Variants in EIF2AK1 observed in about 807,000 individuals in gnomAD.
The protein encoded by EIF2AK1 is eukaryotic translation initiation factor 2 alpha kinase 1.
A neutral mutation model predicts 77.9 loss-of-function variants in EIF2AK1; 54 were observed. That is an observed-to-expected ratio of 0.69 (90% CI 0.56 to 0.87). EIF2AK1 has a LOEUF of 0.87. EIF2AK1 is among the 40% of genes least tolerant of loss of function. EIF2AK1 has a pLI of 0.00. For synonymous variants in EIF2AK1, 314 were observed against 290.5 expected, an observed-to-expected ratio of 1.08 and a Z score of -0.82; for missense variants, 810 against 768.6, an observed-to-expected ratio of 1.05 and a Z score of -0.64.
In EIF2AK1 at chr7:6,032,128, C is replaced by T. The variant is rs1385818310; in HGVS notation, c.1333-3096G>A. On this transcript the variant is annotated intron_variant, in intron 11 of 14. Transcript: ENST00000199389. This position sits in a 1 kb window ranked among gnomAD's most constrained non-coding sequence, Gnocchi z 4.3. ...GGCAGAGGTTGCAGTGAGCCAAGAT[C>T]GTACCACTGCACTCTCTAGCCTGGA... is the stretch of plus-strand genomic sequence containing the variant. 2.6e-5 allele frequency among the ~76,000 whole-genome samples: 4 copies of T among 152,148 alleles called. No homozygotes were observed. Among genetic ancestry groups the T allele is most frequent in the South Asian group, 2.1e-4 (1 of 4,826 alleles).
Position 6,023,839 on chromosome 7 carries a change from T to C in EIF2AK1, c.*834A>G. On this transcript the variant is annotated 3_prime_UTR_variant, in exon 15 of 15. Transcript: ENST00000199389. ...ATAAAAGCATCATGTAATTTATGGTTTTCATTTTATTTAAAATTCAGCAAA... is the reference window on the plus strand; with the variant it reads ...ATAAAAGCATCATGTAATTTATGGTCTTCATTTTATTTAAAATTCAGCAAA... 1 of 1,551,970 alleles carries C rather than the reference T, an allele frequency of 6.4e-7. No individual in the cohort carries two copies. Among genetic ancestry groups the C allele is most frequent in the African/African-American group, 1.4e-5 (1 of 73,266 alleles).
Position 6,048,825 on chromosome 7 carries a change from G to A in EIF2AK1, c.431C>T (p.Ser144Phe). 6.3e-7 allele frequency: 1 copy of A among 1,586,144 alleles called. No homozygotes were observed. Among genetic ancestry groups the A allele is most frequent in the Non-Finnish European group, 8.5e-7 (1 of 1,171,702 alleles). ...CACATACCTGATTTTCTGGATACGA[G>A]AAATATCCTCACAAGGATCCTACAA... ...RVRQDPCEDI[S>F]RIQKIRSREV... The change falls in exon 4 of 15, where the codon TCT (serine) becomes TTT (phenylalanine). Residue 144 changes from serine (S) to phenylalanine (F), a missense_variant. By Grantham distance (155) the Ser-to-Phe change is radical. Coordinates refer to ENST00000199389, the MANE Select transcript of EIF2AK1 (RefSeq NM_014413.4).
rs1298358150 is a variant in EIF2AK1, at chr7:6,022,314, C to G, written c.*2359G>C. 6.6e-6 allele frequency: 1 copy of G among 152,100 alleles called. No individual in the cohort carries two copies. Among genetic ancestry groups the G allele is most frequent in the African/African-American group, 2.4e-5 (1 of 41,404 alleles). The allele number at this position is 152,100 out of a possible 1,614,324, so 9.4% of individuals were successfully genotyped here. On this transcript the variant is annotated 3_prime_UTR_variant, in exon 15 of 15. Transcript: ENST00000199389. ...CATATAATATACAGACCATACAAAA[C>G]GTGTTAATCAACTGTGATGGGTAAG...
rs984875443 is a variant in EIF2AK1 at position 6,023,943 on chromosome 7, G to A, written c.*730C>T. 46 of 1,426,382 alleles carry A rather than the reference G, an allele frequency of 3.2e-5. No individual in the cohort carries two copies. Among genetic ancestry groups the A allele is most frequent in the African/African-American group, 4.3e-5 (3 of 70,560 alleles). 88.4% of individuals were successfully genotyped at this position (1,426,382 alleles called of 1,614,324 possible). A position where few individuals can be genotyped will look rare whatever the true frequency, so the allele number is the denominator to read the frequency against. ...GATTCAAAAACCAATTCATCAGATCGCTGCCTCTGAGGGATGTACAGATTG... is the reference window on the plus strand; with the variant it reads ...GATTCAAAAACCAATTCATCAGATCACTGCCTCTGAGGGATGTACAGATTG... On this transcript the variant is annotated 3_prime_UTR_variant, in exon 15 of 15. Coordinates refer to ENST00000199389, the MANE Select transcript of EIF2AK1 (RefSeq NM_014413.4).
At position 6,023,085 on chromosome 7, in the gene EIF2AK1, G is replaced by T. The variant is rs1348717718; in HGVS notation, c.*1588C>A. 9.1e-6 allele frequency: 5 copies of T among 551,596 alleles called. No individual in the cohort carries two copies. Among genetic ancestry groups the T allele is most frequent in the African/African-American group, 3.8e-5 (2 of 52,622 alleles). The allele number at this position is 551,596 out of a possible 1,614,324, so 34.2% of individuals were successfully genotyped here. A position where few individuals can be genotyped will look rare whatever the true frequency, so the allele number is the denominator to read the frequency against. Reference sequence around the variant, plus strand: ...CAGAAGTGTCATAATCAAATACCAGGAATGACTCTTTGGTTACTTTTTTAA... The same window carrying T: ...CAGAAGTGTCATAATCAAATACCAGTAATGACTCTTTGGTTACTTTTTTAA... On this transcript the variant is annotated 3_prime_UTR_variant, in exon 15 of 15. Transcript: ENST00000199389.
chr7:6,034,652 T>C lies in EIF2AK1; in HGVS notation c.1332+2772A>G, dbSNP rs147021495. On this transcript the variant is annotated intron_variant, in intron 11 of 14. Transcript: ENST00000199389. ...GCCACCTGCTGTTTCACCATATCCA[T>C]AGCCTAGGGCCTCACGCTAAACAAA... Among the ~76,000 whole-genome samples, 97 of 152,320 alleles carry C rather than the reference T, an allele frequency of 6.4e-4. 2 individuals carry two copies. In the South Asian group the frequency reaches 0.017, roughly 26 times the overall value.
chr7:6,051,079 C>T (rs1314752867), intron 2 of EIF2AK1, among the ~76,000 whole-genome samples: 2 of 152,140 alleles, frequency 1.3e-5, no homozygotes, highest in Non-Finnish European at 2.9e-5. Flanking sequence ...GGAGGGCAAA[C>T]ATATGATGAG....
Position 6,037,570 on chromosome 7 carries a change from A to C in EIF2AK1, c.1232-46T>G, listed in dbSNP as rs779002343. ...TTTTATTTCTCTAATTTTTTTACTC[A>C]TTACATGGGCATCTAAATATTAATG... On this transcript the variant is annotated intron_variant, in intron 10 of 14. Transcript: ENST00000199389. The C allele has an allele frequency of 4.4e-6, 5 of 1,134,400 alleles. No homozygotes were observed. In the South Asian group the frequency reaches 6.4e-5, roughly 15 times the overall value. The allele number at this position is 1,134,400 out of a possible 1,614,324, so 70.3% of individuals were successfully genotyped here.
In EIF2AK1 at chr7:6,024,277, G is replaced by A. The variant is rs996190415; in HGVS notation, c.*396C>T. The stretch of plus-strand genomic sequence containing the variant: ...TTCAGCTGCAGTGTGAAAGGGGCAG[G>A]AAGACTGGCAGCTGTCAAAACTGGA... On this transcript the variant is annotated 3_prime_UTR_variant, in exon 15 of 15. Transcript: ENST00000199389. 49 of 1,211,162 alleles carry A rather than the reference G, an allele frequency of 4.0e-5. No individual in the cohort carries two copies. The highest frequency in any genetic ancestry group is 6.3e-5 in the African/African-American group (4 of 63,270). The allele number at this position is 1,211,162 out of a possible 1,614,324, so 75.0% of individuals were successfully genotyped here.
At position 6,042,950 on chromosome 7, in the gene EIF2AK1, G is replaced by A. The variant is rs369361187; in HGVS notation, c.774C>T (p.Ser258=). Residue 258 remains serine, a synonymous_variant, in exon 8 of 15, where the codon TCC becomes TCT. Transcript: ENST00000199389. ...GGACATACCTGTCCTCTTCCTGGTC[G>A]GAGAGCACTTCCAGAGATGGCAACT... The part of the protein sequence containing the change: ...AIELPSLEVL[S]DQEEDREQCG... The A allele has an allele frequency of 2.4e-5, 38 of 1,613,870 alleles. No homozygotes were observed. The highest frequency in any genetic ancestry group is 9.3e-5 in the African/African-American group (7 of 74,908).
chr7:6,054,391 A>G (rs1350077979), intron 2 of EIF2AK1, among the ~76,000 whole-genome samples, 155 bp downstream of exon 2: 2 of 152,024 alleles, frequency 1.3e-5, no homozygotes, highest in Non-Finnish European at 2.9e-5. Context: ...TTGAGTAAAG[A>G]GGGGGTTTCG....
chr7:6,043,056 CAG>C, intron 7 of EIF2AK1, 63 bp from the exon 8 acceptor site: 2 of 1,520,212 alleles, frequency 1.3e-6, no homozygotes, highest in African/African-American at 1.4e-5. Flanking sequence ...TAGTCAAAGA[CAG>C]AGTTAAAATA....
At chr7:6,039,355 C>T (rs1483588389) in intron 9 of EIF2AK1, among the ~76,000 whole-genome samples, 2 of 152,060 alleles carry the variant, frequency 1.3e-5, no homozygotes, top group Non-Finnish European at 2.9e-5. Flanking sequence ...GGCGTGGTGG[C>T]TCACACCTGT....
intron 6 of EIF2AK1, 80 bp downstream of exon 6, chr7:6,045,991 A>G (rs1317538704): frequency 2.2e-6 from 2 of 889,398 alleles, no homozygotes; most frequent in African/African-American, 1.8e-5. Flanking sequence ...TTTGCCAAAT[A>G]TACACATATA....
At chr7:6,044,128 C>T (rs142243295) in intron 7 of EIF2AK1, among the ~76,000 whole-genome samples, 5 of 151,990 alleles carry the variant, frequency 3.3e-5, no homozygotes, top group African/African-American at 9.6e-5. Flanking sequence ...AATAATTTCA[C>T]ATAATTTTCA....
At chr7:6,039,516 G>A in intron 9 of EIF2AK1, among the ~76,000 whole-genome samples, 1 of 151,430 alleles carries the variant, frequency 6.6e-6, no homozygotes. Context: ...CACTACTCAG[G>A]AGGCTGAGGC....
At chr7:6,026,449 G>C (rs1037428248) in intron 14 of EIF2AK1, 4 of 606,322 alleles carry the variant, frequency 6.6e-6, no homozygotes, top group Admixed American at 4.3e-5. Flanking sequence ...CTTCGCTGTG[G>C]GGTTGGCCCC....
At chr7:6,031,342 A>G in intron 11 of EIF2AK1, 1 of 1,533,836 alleles carries the variant, frequency 6.5e-7, no homozygotes, top group Non-Finnish European at 8.8e-7. Flanking sequence ...CAATTCCATA[A>G]CAACATTTTC....
At chr7:6,031,645 G>T in intron 11 of EIF2AK1, 3 of 1,526,772 alleles carry the variant, frequency 2.0e-6, no homozygotes, top group Non-Finnish European at 8.9e-7. Context: ...TGCTTAGAAA[G>T]AAGCATGATC....
Sources: gnomAD v4.1 joint callset for allele counts (sites outside exome capture counted in the v4.1 genomes callset) on GRCh38, gnomAD v4.1.1 for gene constraint, Gnocchi (gnomAD v3.1) non-coding constraint, MANE v1.5 for transcripts, NCBI Gene and HGNC (gene_info 2026-07-23, HGNC 2026-07-21) for gene names.